The following CNTLN variants were observed in gnomAD, a reference collection of about 807,000 sequenced individuals.
The protein encoded by CNTLN is centlein, also known as centlein, centrosomal protein.
In CNTLN, 212 loss-of-function variants were observed where a neutral mutation model predicts 180.0. The observed-to-expected ratio is 1.18, with a 90% CI of 1.05 to 1.32. The LOEUF (loss-of-function observed/expected upper bound fraction) is 1.32. Among genes scored for constraint, CNTLN ranks in the 40% most tolerant of loss-of-function variants. CNTLN has a pLI of 0.00. For synonymous variants in CNTLN, 722 were observed against 563.1 expected, an observed-to-expected ratio of 1.28 and a Z score of -3.99; for missense variants, 2,095 against 1,610.9, an observed-to-expected ratio of 1.30 and a Z score of -5.14.
At chr9:17,340,354 A>G (rs528467932) in intron 10 of CNTLN, among the ~76,000 whole-genome samples, 15 of 152,224 alleles carry the variant, frequency 9.9e-5, no homozygotes, top group Admixed American at 2.6e-4. Context: ...TTTCTTCCTT[A>G]TGTGTAATCC....
chr9:17,160,450 C>A (rs1819602435), intron 2 of CNTLN, among the ~76,000 whole-genome samples: 1 of 152,130 alleles, frequency 6.6e-6, no homozygotes, highest in South Asian at 2.1e-4. Context: ...CTTTAAATTT[C>A]ACATCTTGAG....
chr9:17,509,741 A>G, the CNTLN span, among the ~76,000 whole-genome samples: 50 of 152,218 alleles, frequency 3.3e-4, no homozygotes, highest in African/African-American at 1.2e-3. Context: ...TGGGAGTGGC[A>G]CCTCTCATCA....
At chr9:17,276,366 G>C (rs1466674766) in intron 6 of CNTLN, among the ~76,000 whole-genome samples, 1 of 152,012 alleles carries the variant, frequency 6.6e-6, no homozygotes, top group Non-Finnish European at 1.5e-5. Context: ...ACCAGTCCCA[G>C]TTTATTGAAT....
intron 18 of CNTLN, among the ~76,000 whole-genome samples, chr9:17,437,345 C>A (rs1829838402): frequency 2.6e-5 from 4 of 152,166 alleles, no homozygotes; most frequent in African/African-American, 9.7e-5. Flanking sequence ...AGATTCATTT[C>A]TTATCTTACC....
chr9:17,379,769 G>T (rs1587830982), intron 13 of CNTLN, among the ~76,000 whole-genome samples: 1 of 152,024 alleles, frequency 6.6e-6, no homozygotes, highest in East Asian at 1.9e-4. Flanking sequence ...TCTGACACCT[G>T]TTTCCTTCTG....
intron 3 of CNTLN, among the ~76,000 whole-genome samples, chr9:17,232,667 C>A (rs1824886307): frequency 6.6e-6 from 1 of 152,012 alleles, no homozygotes; most frequent in Non-Finnish European, 1.5e-5. Context: ...TATTTAGTGT[C>A]AATTTCATCT....
chr9:17,216,723 C>T (rs1370341910), intron 2 of CNTLN, among the ~76,000 whole-genome samples: 1 of 152,122 alleles, frequency 6.6e-6, no homozygotes, highest in Non-Finnish European at 1.5e-5. Context: ...GACCACCTCC[C>T]TCCTGCTCCT....
At chr9:17,517,253 G>A in the CNTLN span, among the ~76,000 whole-genome samples, 2 of 151,948 alleles carry the variant, frequency 1.3e-5, no homozygotes, top group Non-Finnish European at 2.9e-5. Flanking sequence ...ATTAGCCAGT[G>A]TGGTGGCGGG....
Position 17,236,556 on chromosome 9 carries a change from A to G in CNTLN, c.817A>G (p.Lys273Glu). 1 of 1,613,094 alleles carries G rather than the reference A, an allele frequency of 6.2e-7. No individual in the cohort carries two copies. Among genetic ancestry groups the G allele is most frequent in the Non-Finnish European group, 8.5e-7 (1 of 1,179,548 alleles). ...GAGGAAGCAGGAAGCACATTTGAGAAAAGAAAAATATAGCACTGATGCAAA... is the reference window on the plus strand; with the variant it reads ...GAGGAAGCAGGAAGCACATTTGAGAGAAGAAAAATATAGCACTGATGCAAA... The part of the protein sequence containing the change: ...KLRKQEAHLR[K>E]EKYSTDAKIK... The change falls in exon 5 of 26, where the codon AAA becomes GAA. Residue 273 changes from lysine (K) to glutamate (E), a missense_variant. Coordinates refer to ENST00000380647, the MANE Select transcript of CNTLN (RefSeq NM_017738.4).
rs754066657 is a variant in CNTLN at position 17,448,849 on chromosome 9, A to G, written c.3115-8675A>G. 3.9e-5 allele frequency among the ~76,000 whole-genome samples: 6 copies of G among 152,354 alleles called. 1 individual carries two copies. Among genetic ancestry groups the G allele is most frequent in the Non-Finnish European group, 8.8e-5 (6 of 68,044 alleles). ...GAATATAATTAAAGTGGTGAATAGT[A>G]AATAGGACATGTGAGGAATAGCTAT... is the stretch of plus-strand genomic sequence containing the variant. On this transcript the variant is annotated intron_variant, in intron 18 of 25. Transcript: ENST00000380647.
intron 13 of CNTLN, 22 bp downstream of exon 13, chr9:17,366,739 A>G (rs1432071209): frequency 8.1e-7 from 1 of 1,238,070 alleles, no homozygotes; most frequent in Non-Finnish European, 1.2e-6. Context: ...GAAAATAAAT[A>G]CTTAACAGAG....
chr9:17,201,800 T>C (rs950834529), intron 2 of CNTLN, among the ~76,000 whole-genome samples: 15 of 151,166 alleles, frequency 9.9e-5, no homozygotes, highest in African/African-American at 3.4e-4. Context: ...GATTCATTGA[T>C]TTTTTTTTAA....
At chr9:17,232,759 A>G (rs976143912) in intron 3 of CNTLN, among the ~76,000 whole-genome samples, 3 of 152,020 alleles carry the variant, frequency 2.0e-5, no homozygotes, top group Non-Finnish European at 4.4e-5. Flanking sequence ...TGTGTATCAA[A>G]TGTATAATAT....
chr9:17,514,873 CT>C, the CNTLN span, among the ~76,000 whole-genome samples: 5 of 152,208 alleles, frequency 3.3e-5, no homozygotes, highest in Admixed American at 3.3e-4. Flanking sequence ...ACCTTTTCCA[CT>C]TGTTCCTTCA....
intron 13 of CNTLN, among the ~76,000 whole-genome samples, chr9:17,386,186 A>G (rs890218527): frequency 6.6e-6 from 1 of 152,054 alleles, no homozygotes; most frequent in Non-Finnish European, 1.5e-5. Context: ...AAGAATCTAA[A>G]AGAATACAAA....
At chr9:17,370,733 A>T (rs11531711) in intron 13 of CNTLN, among the ~76,000 whole-genome samples, 7,095 of 152,274 alleles carry the variant, frequency 0.047, 222 homozygotes, top group South Asian at 0.16. Context: ...TCAAAAAATA[A>T]CTATAAAAAG....
intron 8 of CNTLN, among the ~76,000 whole-genome samples, chr9:17,314,611 C>G (rs1160269660): frequency 6.6e-6 from 1 of 152,222 alleles, no homozygotes; most frequent in Non-Finnish European, 1.5e-5. Context: ...TATGACTGAA[C>G]TTCCAAAGTT....
At chr9:17,273,653 G>A in intron 5 of CNTLN, 80 bp from the exon 6 acceptor site, 1 of 711,582 alleles carries the variant, frequency 1.4e-6, no homozygotes, top group East Asian at 3.1e-5. Flanking sequence ...TCATTTTGTA[G>A]AATAATTAAA....
At chr9:17,182,544 G>A (rs1445537235) in intron 2 of CNTLN, among the ~76,000 whole-genome samples, 1 of 152,210 alleles carries the variant, frequency 6.6e-6, no homozygotes, top group Non-Finnish European at 1.5e-5. Flanking sequence ...GGGAATGGAA[G>A]CTGACCATGC....
Sources: allele counts gnomAD v4.1 joint callset (sites outside exome capture counted in the v4.1 genomes callset), GRCh38; gene constraint gnomAD v4.1.1; transcripts MANE v1.5; gene names NCBI Gene and HGNC (gene_info 2026-07-23, HGNC 2026-07-21).